ASIC2: variants seen among roughly 807,000 people sequenced by gnomAD.
ASIC2 encodes the protein acid-sensing ion channel 2.
Under a neutral mutation model 57.3 loss-of-function variants are expected in ASIC2, and 25 were observed. The ratio of observed to expected loss-of-function variants is 0.44; its 90% CI spans 0.32 to 0.61. The LOEUF (loss-of-function observed/expected upper bound fraction) is 0.61. Among genes scored for constraint, ASIC2 ranks in the 20% least tolerant of loss-of-function variants. ASIC2 has a pLI of 0.06. For synonymous variants in ASIC2, 319 were observed against 307.5 expected, an observed-to-expected ratio of 1.04 and a Z score of -0.39; for missense variants, 641 against 738.1, an observed-to-expected ratio of 0.87 and a Z score of 1.52.
chr17:33,871,123 C>A (rs904557082), intron 1 of ASIC2, among the ~76,000 whole-genome samples: 7 of 152,178 alleles, frequency 4.6e-5, no homozygotes, highest in Non-Finnish European at 1.0e-4. Context: ...CCTGCATGGG[C>A]ACTGAGCATC....
At position 33,420,434 on chromosome 17, in the gene ASIC2, C is replaced by T. The variant is rs899681945; in HGVS notation, c.556-308367G>A. On this transcript the variant is annotated intron_variant, in intron 1 of 9. Transcript: ENST00000359872. ...ATTTTAAGCCTCACAAATGGATGAA[C>T]GGGGCACAGAATTCCAGTTGGAGAG... is the stretch of plus-strand genomic sequence containing the variant. Among the ~76,000 whole-genome samples the T allele has an allele frequency of 7.2e-5, 11 of 152,236 alleles. No individual in the cohort carries two copies. In the South Asian group the frequency reaches 2.1e-3, roughly 29 times the overall value.
At chr17:33,853,949 C>A (rs1279122124) in intron 1 of ASIC2, among the ~76,000 whole-genome samples, 1 of 152,108 alleles carries the variant, frequency 6.6e-6, no homozygotes, top group Non-Finnish European at 1.5e-5. Flanking sequence ...CAGGTCTCTA[C>A]TTTATGATTC....
rs111620858 is a variant in ASIC2, at chr17:34,081,622, T to C, written c.555+74356A>G. ...AGGGAGGGAATGCATCCTTGAACTT[T>C]CACTCAAGTTCGTACTCTCAGCCCT... On this transcript the variant is annotated intron_variant, in intron 1 of 9. Coordinates refer to the ASIC2 transcript ENST00000359872. 2.9e-3 allele frequency among the ~76,000 whole-genome samples: 448 copies of C among 152,338 alleles called. 8 individuals are homozygous for C. The highest frequency in any genetic ancestry group is 0.01 in the African/African-American group (421 of 41,584).
intron 1 of ASIC2, among the ~76,000 whole-genome samples, chr17:33,930,949 C>G (rs1466306777): frequency 6.6e-6 from 1 of 152,178 alleles, no homozygotes; most frequent in Non-Finnish European, 1.5e-5. Flanking sequence ...GACGGAGTCT[C>G]TCTCTGCCGC....
intron 1 of ASIC2, among the ~76,000 whole-genome samples, chr17:33,207,115 G>A (rs918624484): frequency 2.6e-5 from 4 of 152,194 alleles, no homozygotes; most frequent in Admixed American, 1.3e-4. Context: ...CTATATGCCA[G>A]GCACCCTACT....
intron 1 of ASIC2, among the ~76,000 whole-genome samples, chr17:33,308,255 T>G (rs1597675997): frequency 6.6e-6 from 1 of 152,220 alleles, no homozygotes; most frequent in Admixed American, 6.5e-5. Context: ...GATGGCAAAT[T>G]TCAATGACCA....
At chr17:33,186,377 C>T (rs1421360273) in intron 1 of ASIC2, among the ~76,000 whole-genome samples, 1 of 152,154 alleles carries the variant, frequency 6.6e-6, no homozygotes, top group Non-Finnish European at 1.5e-5. Context: ...TCCCAAAATG[C>T]TGGGATTACA....
chr17:33,263,748 AG>A (rs1434428720), intron 1 of ASIC2, among the ~76,000 whole-genome samples: 3 of 132,810 alleles, frequency 2.3e-5, no homozygotes, highest in African/African-American at 8.0e-5. Flanking sequence ...GGCATATGAA[AG>A]GGGGGCCCAC....
At chr17:33,783,822 T>A (rs1345626902) in intron 1 of ASIC2, among the ~76,000 whole-genome samples, 1 of 152,262 alleles carries the variant, frequency 6.6e-6, no homozygotes, top group African/African-American at 2.4e-5. Context: ...AGACCTCAGT[T>A]ATCCACCTGA....
intron 1 of ASIC2, among the ~76,000 whole-genome samples, chr17:34,057,593 G>A (rs1477853053): frequency 2.0e-5 from 3 of 152,124 alleles, no homozygotes; most frequent in East Asian, 1.9e-4. Context: ...TGCAGGAGGG[G>A]AGGAAATACA....
chr17:33,852,937 A>G (rs1318367133), intron 1 of ASIC2, among the ~76,000 whole-genome samples: 1 of 151,862 alleles, frequency 6.6e-6, no homozygotes, highest in Non-Finnish European at 1.5e-5. Context: ...CTGCCTGAGA[A>G]CTCCCCACCC....
intron 1 of ASIC2, chr17:34,081,065 T>C (rs1304733325): frequency 6.6e-6 from 1 of 152,192 alleles, no homozygotes; most frequent in Non-Finnish European, 1.5e-5. Context: ...ATCGCTGGCT[T>C]ATAGCCCATG....
intron 1 of ASIC2, among the ~76,000 whole-genome samples, chr17:33,501,490 G>A (rs1914099842): frequency 6.6e-6 from 1 of 152,212 alleles, no homozygotes; most frequent in Non-Finnish European, 1.5e-5. Flanking sequence ...CAACTCGCTT[G>A]AAGTCACACA....
intron 1 of ASIC2, among the ~76,000 whole-genome samples, chr17:33,240,296 T>A (rs1424990401): frequency 6.6e-6 from 1 of 152,130 alleles, no homozygotes; most frequent in Admixed American, 6.5e-5. Context: ...CAGAGCAGCT[T>A]CACACATCAG....
intron 1 of ASIC2, among the ~76,000 whole-genome samples, chr17:34,035,654 A>G (rs570469351): frequency 6.6e-6 from 1 of 152,338 alleles, no homozygotes; most frequent in East Asian, 1.9e-4. Context: ...GCTAATATCT[A>G]GAATCTACAA....
intron 1 of ASIC2, among the ~76,000 whole-genome samples, chr17:33,798,350 T>C (rs1368184609): frequency 2.6e-5 from 4 of 152,180 alleles, no homozygotes; most frequent in Non-Finnish European, 4.4e-5. Flanking sequence ...CTAAGACCAC[T>C]AGCTTGCCAG....
chr17:33,066,321 C>T (rs1335074723), intron 3 of ASIC2, among the ~76,000 whole-genome samples: 1 of 152,136 alleles, frequency 6.6e-6, no homozygotes, highest in Non-Finnish European at 1.5e-5. Context: ...TGAACACAAA[C>T]TCTGGCGTGC....
At chr17:33,413,166 T>A (rs1444861618) in intron 1 of ASIC2, among the ~76,000 whole-genome samples, 1 of 152,116 alleles carries the variant, frequency 6.6e-6, no homozygotes, top group Non-Finnish European at 1.5e-5. Flanking sequence ...AAGTGAAGTG[T>A]GACACAGCCC....
At chr17:33,293,882 A>G (rs1905611815), upstream of ASIC2, among the ~76,000 whole-genome samples, 1 of 152,132 alleles carries the variant, frequency 6.6e-6, no homozygotes, top group African/African-American at 2.4e-5. Flanking sequence ...GATGGATATC[A>G]GGGTTTCTAG....
Sources: gnomAD v4.1 joint callset for allele counts (sites outside exome capture counted in the v4.1 genomes callset) on GRCh38, gnomAD v4.1.1 for gene constraint, MANE v1.5 for transcripts, NCBI Gene and HGNC (gene_info 2026-07-23, HGNC 2026-07-21) for gene names.